Variants in FAM133A observed in about 807,000 individuals in gnomAD.
FAM133A encodes family with sequence similarity 133 member A, also known as protein FAM133A.
For missense variants in FAM133A, 159 were observed against 164.4 expected (o/e 0.97, Z 0.18); for synonymous variants, 65 against 58.6 (o/e 1.11, Z -0.50).
chrX:93,696,764 C>CA (rs1333636294), intron 2 of FAM133A, among the ~76,000 whole-genome samples: 1 of 109,642 alleles, frequency 9.1e-6, no homozygotes, highest in African/African-American at 3.3e-5. Flanking sequence ...ACTAAAAATA[C>CA]AAAAAATTAG....
chrX:93,696,814 G>A (rs943659483), intron 2 of FAM133A, among the ~76,000 whole-genome samples: 1 of 109,934 alleles, frequency 9.1e-6, no homozygotes. Context: ...CAGCTACTCG[G>A]GAGGCTGAGT....
chrX:93,697,167 T>TTATATATATATATATATATATATA (rs767010042), intron 2 of FAM133A, among the ~76,000 whole-genome samples: 20 of 93,722 alleles, frequency 2.1e-4, no homozygotes, highest in African/African-American at 8.5e-4. Flanking sequence ...TATAGGCAAG[T>TTATATATATATATATATATATATA]TATATATATA....
intron 2 of FAM133A, among the ~76,000 whole-genome samples, chrX:93,697,167 TTATATATA>T (rs767010042): frequency 1.1e-5 from 1 of 93,753 alleles, no homozygotes; most frequent in African/African-American, 4.2e-5. Flanking sequence ...TATAGGCAAG[TTATATATA>T]TATATATATA....
chrX:93,706,787 C>A (rs190643037), intron 3 of FAM133A, among the ~76,000 whole-genome samples: 7 of 111,539 alleles, frequency 6.3e-5, no homozygotes, highest in Admixed American at 5.7e-4. Flanking sequence ...TCATATATTT[C>A]TCATTCTTTT....
chrX:93,681,367 C>T (rs1925145283), intron 2 of FAM133A, among the ~76,000 whole-genome samples: 1 of 110,415 alleles, frequency 9.1e-6, no homozygotes. Flanking sequence ...ATGGAGGAAG[C>T]CCAAAGTGAC....
intron 3 of FAM133A, among the ~76,000 whole-genome samples, chrX:93,704,153 A>G (rs1213282537): frequency 8.9e-6 from 1 of 111,888 alleles, no homozygotes; most frequent in South Asian, 3.7e-4. Context: ...ATTAATATAT[A>G]TGATTAAATT....
intron 3 of FAM133A, among the ~76,000 whole-genome samples, chrX:93,700,780 CGTAGTACTTT>C (rs1388142248): frequency 9.0e-6 from 1 of 111,128 alleles, no homozygotes; most frequent in African/African-American, 3.3e-5. Context: ...CAATAAATAA[CGTAGTACTTT>C]TGGCTGTTTC....
intron 3 of FAM133A, among the ~76,000 whole-genome samples, chrX:93,702,837 T>TAAAAAAA (rs33985910): frequency 6.5e-4 from 28 of 43,034 alleles, no homozygotes; most frequent in East Asian, 2.9e-3. Context: ...ATAGCTATGA[T>TAAAAAAA]AAAAAAAAAA....
intron 2 of FAM133A, among the ~76,000 whole-genome samples, chrX:93,685,043 T>C (rs1289753185): frequency 1.8e-5 from 2 of 112,033 alleles, no homozygotes; most frequent in Admixed American, 9.5e-5. Flanking sequence ...CCAAAAAGCA[T>C]GGTATTTTCT....
chrX:93,676,117 T>C (rs1924669135), intron 2 of FAM133A, among the ~76,000 whole-genome samples: 1 of 111,333 alleles, frequency 9.0e-6, no homozygotes, highest in Admixed American at 9.6e-5. Context: ...TGAAATGCTA[T>C]TTTGATCACA....
intron 3 of FAM133A, among the ~76,000 whole-genome samples, chrX:93,702,200 G>C (rs948408114): frequency 5.4e-5 from 6 of 111,542 alleles, no homozygotes; most frequent in Admixed American, 4.8e-4. Context: ...CCAGTGCCAA[G>C]GTCTTGTTTT....
intron 3 of FAM133A, among the ~76,000 whole-genome samples, chrX:93,698,968 T>G (rs1926507465): frequency 9.0e-6 from 1 of 110,776 alleles, no homozygotes; most frequent in Non-Finnish European, 1.9e-5. Flanking sequence ...CCTAACTTTT[T>G]CAAGGACATC....
At chrX:93,706,119 C>T (rs1927030323) in intron 3 of FAM133A, among the ~76,000 whole-genome samples, 2 of 112,296 alleles carry the variant, frequency 1.8e-5, no homozygotes, top group African/African-American at 6.5e-5. Context: ...CAGATCTGAA[C>T]TTGACTGATC....
chrX:93,691,564 A>G (rs914450773), intron 2 of FAM133A, among the ~76,000 whole-genome samples: 2 of 111,974 alleles, frequency 1.8e-5, no homozygotes, highest in African/African-American at 6.5e-5. Flanking sequence ...TGAAATCAGA[A>G]AGTATGAGTC....
intron 2 of FAM133A, among the ~76,000 whole-genome samples, chrX:93,688,340 C>G (rs1346025438): frequency 9.0e-6 from 1 of 110,897 alleles, no homozygotes; most frequent in African/African-American, 3.3e-5. Context: ...TTCAACTTAT[C>G]TTTTCTAAGA....
At chrX:93,706,983 T>C (rs769897922) in intron 3 of FAM133A, among the ~76,000 whole-genome samples, 1 of 112,143 alleles carries the variant, frequency 8.9e-6, no homozygotes, top group East Asian at 2.8e-4. Flanking sequence ...CCCCGTTAGC[T>C]TCACTGTAAA....
At chrX:93,707,056 G>A (rs773397369) in intron 3 of FAM133A, among the ~76,000 whole-genome samples, 1 of 112,245 alleles carries the variant, frequency 8.9e-6, no homozygotes, top group Non-Finnish European at 1.9e-5. Flanking sequence ...ACTGGCCTTC[G>A]CCTATCTTTC....
intron 2 of FAM133A, among the ~76,000 whole-genome samples, chrX:93,683,422 G>C (rs1925296616): frequency 8.9e-6 from 1 of 111,867 alleles, no homozygotes; most frequent in African/African-American, 3.2e-5. Flanking sequence ...TCTGTTGCTT[G>C]AATTAAGCAT....
chrX:93,680,606 C>G (rs1297085327), intron 2 of FAM133A, among the ~76,000 whole-genome samples: 1 of 111,418 alleles, frequency 9.0e-6, no homozygotes, highest in Non-Finnish European at 1.9e-5. Context: ...CTCACCAACA[C>G]TTACCTTTCG....
Sources: gnomAD v4.1 joint callset for allele counts (sites outside exome capture counted in the v4.1 genomes callset) on GRCh38, gnomAD v4.1.1 for gene constraint, MANE v1.5 for transcripts, NCBI Gene and HGNC (gene_info 2026-07-23, HGNC 2026-07-21) for gene names.